MCPH1: variants seen among roughly 807,000 people sequenced by gnomAD.
MCPH1 encodes microcephalin 1.
In MCPH1, 104 loss-of-function variants were observed where a neutral mutation model predicts 84.5. That is an observed-to-expected ratio of 1.23 (90% CI 1.05 to 1.45). The LOEUF is 1.45. MCPH1 is among the 40% of genes most tolerant of loss of function. The pLI is 0.00. For missense variants in MCPH1, 1,498 were observed against 1,005.7 expected, an observed-to-expected ratio of 1.49 and a Z score of -6.62; for synonymous variants, 514 against 366.8, an observed-to-expected ratio of 1.40 and a Z score of -4.58.
chr8:6,564,053 C>T (rs1825920644), intron 12 of MCPH1, among the ~76,000 whole-genome samples: 2 of 140,548 alleles, frequency 1.4e-5, no homozygotes, highest in South Asian at 4.4e-4. Flanking sequence ...GCAATGTTGG[C>T]TCACTGCAAC....
intron 13 of MCPH1, among the ~76,000 whole-genome samples, chr8:6,630,641 C>A (rs543947987): frequency 1.3e-5 from 2 of 151,802 alleles, no homozygotes; most frequent in Non-Finnish European, 2.9e-5. Flanking sequence ...ATGAGCCAGG[C>A]ATGATGGGGC....
intron 11 of MCPH1, among the ~76,000 whole-genome samples, chr8:6,496,530 C>G (rs2515595): frequency 0.53 from 79,760 of 151,386 alleles, 27,006 homozygotes; most frequent in Non-Finnish European, 0.76. Context: ...CCCCCGCCCC[C>G]CTTCCCCCGC....
At chr8:6,425,100 T>A (rs1800861566) in intron 3 of MCPH1, among the ~76,000 whole-genome samples, 1 of 152,180 alleles carries the variant, frequency 6.6e-6, no homozygotes, top group Non-Finnish European at 1.5e-5. Context: ...CGGTGGTTCC[T>A]GGCCGACCTA....
chr8:6,563,789 G>A (rs1295212449), intron 12 of MCPH1, among the ~76,000 whole-genome samples: 3 of 152,034 alleles, frequency 2.0e-5, no homozygotes, highest in Non-Finnish European at 4.4e-5. Context: ...TTTCATTTCC[G>A]AACAGTTGGA....
intron 12 of MCPH1, among the ~76,000 whole-genome samples, chr8:6,605,325 C>G (rs933577134): frequency 2.6e-5 from 4 of 152,194 alleles, no homozygotes; most frequent in South Asian, 4.1e-4. Flanking sequence ...GGGACTCACA[C>G]TCCTTGCAAA....
At chr8:6,406,945 C>A in intron 1 of MCPH1, 1 of 538,290 alleles carries the variant, frequency 1.9e-6, no homozygotes, top group Non-Finnish European at 3.3e-6. Flanking sequence ...CTCCCTGTCC[C>A]CCCAAACCCC....
At chr8:6,547,803 G>A (rs915264670) in intron 12 of MCPH1, among the ~76,000 whole-genome samples, 9 of 152,092 alleles carry the variant, frequency 5.9e-5, no homozygotes, top group Non-Finnish European at 1.5e-5. Flanking sequence ...GGGGCCAGGG[G>A]AGCACCGGAA....
At chr8:6,423,301 A>T (rs939592803) in intron 3 of MCPH1, among the ~76,000 whole-genome samples, 22 of 141,120 alleles carry the variant, frequency 1.6e-4, no homozygotes, top group Non-Finnish European at 3.3e-4. Context: ...AGTAGCTGGG[A>T]CTACAGGCGC....
At chr8:6,532,348 G>C (rs754607695) in intron 12 of MCPH1, 4 of 1,614,096 alleles carry the variant, frequency 2.5e-6, no homozygotes, top group Admixed American at 1.7e-5. Context: ...TTCCACATCA[G>C]TTAACTTCCG....
intron 12 of MCPH1, among the ~76,000 whole-genome samples, chr8:6,506,339 G>A (rs1344721160): frequency 1.3e-5 from 2 of 151,794 alleles, no homozygotes; most frequent in Non-Finnish European, 2.9e-5. Context: ...CTCTTCACAG[G>A]CAAGACCACT....
At chr8:6,415,359 G>C (rs1282343721) in intron 3 of MCPH1, among the ~76,000 whole-genome samples, 1 of 150,754 alleles carries the variant, frequency 6.6e-6, no homozygotes, top group Non-Finnish European at 1.5e-5. Flanking sequence ...TGGATCTTGG[G>C]TCACTGCAGC....
rs11280683 is a variant in MCPH1 at position 6,609,819 on chromosome 8, G to GCCCCC, written c.2215-11629_2215-11625dup. On this transcript the variant is annotated intron_variant, in intron 12 of 13. Transcript: ENST00000344683. ...TCTCATTATCAAAGCAATGCCCCCC[G>GCCCCC]CCCCCCCCCCACACACAGACTGCCA... 1.1e-3 allele frequency among the ~76,000 whole-genome samples: 112 copies of GCCCCC among 104,040 alleles called. 6 individuals carry two copies. Among genetic ancestry groups the GCCCCC allele is most frequent in the African/African-American group, 1.7e-3 (55 of 32,852 alleles). The allele number at this position is 104,040 out of a possible 152,430, so 68.3% of individuals were successfully genotyped here.
In MCPH1 at chr8:6,465,708, TA is replaced by T. The variant is rs1806809878; in HGVS notation, c.1935+10457del. Among the ~76,000 whole-genome samples, 5 of 152,126 alleles carry T rather than the reference TA, an allele frequency of 3.3e-5. No individual in the cohort carries two copies. The South Asian group carries it at 8.3e-4, about 25-fold the overall frequency. On this transcript the variant is annotated intron_variant, in intron 9 of 13. Transcript: ENST00000344683. ...GGGGAGGCCTGCAAACCTTACGGCT[TA>T]TTTCCACTGACATCAGAGACTCATG...
At chr8:6,522,934 A>C (rs1817640606) in intron 12 of MCPH1, among the ~76,000 whole-genome samples, 1 of 152,166 alleles carries the variant, frequency 6.6e-6, no homozygotes. Context: ...TAAAAAATCT[A>C]ACCAGCGCTA....
chr8:6,628,658 G>GT (rs1796940806), intron 13 of MCPH1, among the ~76,000 whole-genome samples: 2 of 152,154 alleles, frequency 1.3e-5, no homozygotes, highest in South Asian at 4.1e-4. Context: ...AAGCATTTTG[G>GT]TTGTGGCAGG....
At chr8:6,626,097 A>C (rs2129581507) in intron 13 of MCPH1, 1 of 985,294 alleles carries the variant, frequency 1.0e-6, no homozygotes, top group African/African-American at 1.7e-5. Context: ...ACAACTCCAT[A>C]TCTATGACGA....
chr8:6,457,495 C>T (rs1395647281), intron 9 of MCPH1, among the ~76,000 whole-genome samples: 1 of 152,136 alleles, frequency 6.6e-6, no homozygotes, highest in African/African-American at 2.4e-5. Context: ...ATCCCAGCTG[C>T]TCAAGAGACT....
At chr8:6,463,677 AG>A (rs1360794883) in intron 9 of MCPH1, among the ~76,000 whole-genome samples, 1 of 152,196 alleles carries the variant, frequency 6.6e-6, no homozygotes, top group African/African-American at 2.4e-5. Flanking sequence ...AGAGAGCTGC[AG>A]GGACACAGAT....
rs1798209173 is a variant in MCPH1 at position 6,646,204 on chromosome 8, C to G, written c.*3155C>G. On this transcript the variant is annotated 3_prime_UTR_variant, in exon 14 of 14. Coordinates refer to ENST00000344683, the MANE Select transcript of MCPH1 (RefSeq NM_024596.5). ...CTCTGGGAGGCTGAGGCGGGTGGAT[C>G]ACTTGAAGTCGGGAGTTTAAGACCA... 1 of 152,118 alleles carries G rather than the reference C, an allele frequency of 6.6e-6. No homozygotes were observed. Among genetic ancestry groups the G allele is most frequent in the Non-Finnish European group, 1.5e-5 (1 of 68,024 alleles). The allele number at this position is 152,118 out of a possible 1,614,324, so 9.4% of individuals were successfully genotyped here.
Sources: allele counts gnomAD v4.1 joint callset (sites outside exome capture counted in the v4.1 genomes callset), GRCh38; gene constraint gnomAD v4.1.1; transcripts MANE v1.5; gene names NCBI Gene and HGNC (gene_info 2026-07-23, HGNC 2026-07-21).